RBP3: variants seen among roughly 807,000 people sequenced by gnomAD.
The protein encoded by RBP3 is retinol binding protein 3.
A neutral mutation model predicts 64.8 loss-of-function variants in RBP3; 50 were observed. That is an observed-to-expected ratio of 0.77 (90% CI 0.61 to 0.98). The LOEUF (loss-of-function observed/expected upper bound fraction) is 0.98, where lower values mean the gene tolerates loss of function less well. Among genes scored for constraint, RBP3 ranks in the 50% least tolerant of loss-of-function variants. RBP3 has a pLI of 0.00. For synonymous variants in RBP3, 828 were observed against 730.2 expected, an observed-to-expected ratio of 1.13 and a Z score of -2.16; for missense variants, 1,712 against 1,660.5, an observed-to-expected ratio of 1.03 and a Z score of -0.54.
Position 47,349,712 on chromosome 10 carries a change from G to A in RBP3, c.1228G>A (p.Gly410Arg), listed in dbSNP as rs1555211176. 6.2e-7 allele frequency: 1 copy of A among 1,611,986 alleles called. No homozygotes were observed. The highest frequency in any genetic ancestry group is 8.5e-7 in the Non-Finnish European group (1 of 1,180,006). Reference sequence around the variant, plus strand: ...CGACGCTGCAGCCGAAGACTCACCAGGGGTGGCCCCAGAGTTGCCTGAGGA... The same window carrying A: ...CGACGCTGCAGCCGAAGACTCACCAAGGGTGGCCCCAGAGTTGCCTGAGGA... ...APDAAAEDSP[G>R]VAPELPEDEA... is the part of the protein sequence containing the mutation. Residue 410 changes from glycine to arginine, a missense_variant, in exon 1 of 4, where the codon GGG (glycine) becomes AGG (arginine). Gly to Arg is a moderately radical substitution (Grantham distance 125). Coordinates refer to ENST00000584701, the MANE Select transcript of RBP3 (RefSeq NM_002900.3).
chr10:47,353,326 T>A lies in RBP3; in HGVS notation c.3056T>A (p.Ile1019Asn), dbSNP rs1837003161. ...DRIPGIVPMQ[I>N]PSPEVFEELI... is the part of the protein sequence containing the mutation. ...GAGTAGGACCTCCAACTCTTACAGA[T>A]CCCTTCCCCTGAAGTATTTGAAGAG... Residue 1019 changes from isoleucine to asparagine, a missense_variant and splice_region_variant, in exon 2 of 4, where the codon ATC (isoleucine) becomes AAC (asparagine). Physicochemically the swap from Ile to Asn is moderately radical, Grantham distance 149. Transcript: ENST00000584701. 1 of 1,613,946 alleles carries A rather than the reference T, an allele frequency of 6.2e-7. No individual in the cohort carries two copies. The highest frequency in any genetic ancestry group is 8.5e-7 in the Non-Finnish European group (1 of 1,179,988).
At position 47,348,827 on chromosome 10, in the gene RBP3, G is replaced by T; in HGVS notation, c.343G>T (p.Ala115Ser). 1 of 1,613,886 alleles carries T rather than the reference G, an allele frequency of 6.2e-7. No homozygotes were observed. Among genetic ancestry groups the T allele is most frequent in the Non-Finnish European group, 8.5e-7 (1 of 1,180,046 alleles). The change falls in exon 1 of 4, where the codon GCC (alanine) becomes TCC (serine). Residue 115 changes from alanine (A) to serine (S), a missense_variant. Ala to Ser is a moderately conservative substitution (Grantham distance 99, BLOSUM62 1). Coordinates refer to ENST00000584701, the MANE Select transcript of RBP3 (RefSeq NM_002900.3). ...CAGCCTCTCAGAAGAGGAACTGCTT[G>T]CCTGGCTGCAAAGGGGCCTCCGCCA... ...LTSLSEEELLAWLQRGLRHEV... is the reference protein window; with the variant it reads ...LTSLSEEELLSWLQRGLRHEV...
chr10:47,348,730 G>A lies in RBP3; in HGVS notation c.246G>A (p.Leu82=), dbSNP rs1555210884. Residue 82 remains leucine, a synonymous_variant, in exon 1 of 4, where the codon CTG becomes CTA. Coordinates refer to ENST00000584701, the MANE Select transcript of RBP3 (RefSeq NM_002900.3). ...TGACAGCCGGGGTGCAGAGCTCCCT[G>A]AACGATCCTCGCCTGGTCATCTCCT... ...SVLTAGVQSS[L]NDPRLVISYE... is the part of the protein sequence containing the mutation. 4 of 1,613,618 alleles carry A rather than the reference G, an allele frequency of 2.5e-6. No individual in the cohort carries two copies. Among genetic ancestry groups the A allele is most frequent in the East Asian group, 2.2e-5 (1 of 44,878 alleles).
intron 3 of RBP3, 79 bp from the exon 4 acceptor site, chr10:47,357,023 A>C: frequency 1.5e-6 from 2 of 1,365,234 alleles, no homozygotes; most frequent in South Asian, 1.2e-5. Context: ...CCATCACTGC[A>C]GGCCCAGGCA....
chr10:47,350,617 G>A lies in RBP3; in HGVS notation c.2133G>A (p.Glu711=). ...ACAGCCCTGGCGAGCTGGTGGTAGA[G>A]GAAGCACCCCCACCACCCCCTGCTG... is the stretch of plus-strand genomic sequence containing the variant. ...VFHSPGELVV[E]EAPPPPPAVP... Residue 711 remains glutamate (E), a synonymous_variant, in exon 1 of 4, where the codon GAG becomes GAA. Transcript: ENST00000584701. 4 of 1,612,946 alleles carry A rather than the reference G, an allele frequency of 2.5e-6. No individual in the cohort carries two copies. The highest frequency in any genetic ancestry group is 3.4e-6 in the Non-Finnish European group (4 of 1,180,030).
chr10:47,355,869 TCCCCG>T (rs1837040577), intron 3 of RBP3, among the ~76,000 whole-genome samples: 1 of 152,134 alleles, frequency 6.6e-6, no homozygotes, highest in Admixed American at 6.5e-5. Context: ...TGAAGGATTC[TCCCCG>T]CCCCTCACCA....
rs781963159 is a variant in RBP3, at chr10:47,351,023, A to T, written c.2539A>T (p.Thr847Ser). 2 of 1,610,878 alleles carry T rather than the reference A, an allele frequency of 1.2e-6. No homozygotes were observed. The highest frequency in any genetic ancestry group is 1.7e-6 in the Non-Finnish European group (2 of 1,179,856). Residue 847 changes from threonine to serine, a missense_variant, in exon 1 of 4, where the codon ACC (threonine) becomes TCC (serine). Coordinates refer to ENST00000584701, the MANE Select transcript of RBP3 (RefSeq NM_002900.3). Reference sequence around the variant, plus strand: ...GGACCTCTACATCCTGATGAGCCACACCAGTGGCTCTGCGGCCGAGGCCTT... The same window carrying T: ...GGACCTCTACATCCTGATGAGCCACTCCAGTGGCTCTGCGGCCGAGGCCTT... Reference protein sequence around the residue: ...HKDLYILMSHTSGSAAEAFAH... With the variant: ...HKDLYILMSHSSGSAAEAFAH...
Position 47,350,856 on chromosome 10 carries a change from C to T in RBP3, c.2372C>T (p.Thr791Met), listed in dbSNP as rs561239259. The T allele has an allele frequency of 5.5e-5, 89 of 1,612,960 alleles. 1 individual carries two copies. The South Asian group carries it at 7.0e-4, about 13-fold the overall frequency. ...DLRYNPGSYS[T>M]AIPLLCSYFF... is the part of the protein sequence containing the mutation. The stretch of plus-strand genomic sequence containing the variant: ...CGCTACAACCCTGGCAGCTACTCCA[C>T]GGCCATCCCGCTGCTCTGCTCCTAC... The change falls in exon 1 of 4, where the codon ACG becomes ATG. Residue 791 changes from threonine (T) to methionine (M), a missense_variant. Physicochemically the swap from Thr to Met is moderately conservative, Grantham distance 81 (BLOSUM62 -1). Coordinates refer to ENST00000584701, the MANE Select transcript of RBP3 (RefSeq NM_002900.3).
chr10:47,351,617 C>A, intron 1 of RBP3, 79 bp downstream of exon 1: 3 of 1,529,738 alleles, frequency 2.0e-6, no homozygotes, highest in Non-Finnish European at 2.7e-6. Context: ...GGGCTCTGTG[C>A]ACAGTGCGTG....
rs202017297 is a variant in RBP3 at position 47,350,291 on chromosome 10, G to A, written c.1807G>A (p.Gly603Ser). 2.9e-5 allele frequency: 46 copies of A among 1,609,186 alleles called. No individual in the cohort carries two copies. In the East Asian group the frequency reaches 5.1e-4, roughly 18 times the overall value. ...GGTCCTCACCTTCATCGACAATCAC[G>A]GCGAGGCCTGGCTGGGTGGTGGAGT... ...VPVLTFIDNH[G>S]EAWLGGGVVP... is the part of the protein sequence containing the mutation. Residue 603 changes from glycine to serine, a missense_variant, in exon 1 of 4, where the codon GGC (glycine) becomes AGC (serine). By Grantham distance (56) the Gly-to-Ser change is moderately conservative (BLOSUM62 0). Transcript: ENST00000584701.
In RBP3 at chr10:47,349,636, G is replaced by C. The variant is rs782018053; in HGVS notation, c.1152G>C (p.Arg384Ser). ...AGLQAASEDP[R>S]LLVRAIGPTE... ...TGCAGGCTGCGTCTGAGGATCCCAG[G>C]CTCCTGGTGCGAGCCATCGGGCCCA... Residue 384 changes from arginine to serine, a missense_variant, in exon 1 of 4, where the codon AGG (arginine) becomes AGC (serine). Coordinates refer to ENST00000584701, the MANE Select transcript of RBP3 (RefSeq NM_002900.3). 1.2e-6 allele frequency: 2 copies of C among 1,612,382 alleles called. No homozygotes were observed. Among genetic ancestry groups the C allele is most frequent in the African/African-American group, 1.3e-5 (1 of 74,922 alleles).
Position 47,351,018 on chromosome 10 carries a change from G to A in RBP3, c.2534G>A (p.Ser845Asn), listed in dbSNP as rs1475109267. 6.2e-7 allele frequency: 1 copy of A among 1,610,818 alleles called. No individual in the cohort carries two copies. Among genetic ancestry groups the A allele is most frequent in the Non-Finnish European group, 8.5e-7 (1 of 1,179,894 alleles). ...GSHKDLYILM[S>N]HTSGSAAEAF... ...CACAAGGACCTCTACATCCTGATGA[G>A]CCACACCAGTGGCTCTGCGGCCGAG... The change falls in exon 1 of 4, where the codon AGC becomes AAC. Residue 845 changes from serine (S) to asparagine (N), a missense_variant. Transcript: ENST00000584701.
rs782359971 is a variant in RBP3 at position 47,348,520 on chromosome 10, G to A, written c.36G>A (p.Leu12=). Residue 12 remains leucine, a synonymous_variant, in exon 1 of 4, where the codon CTG becomes CTA. Transcript: ENST00000584701. ...MREWVLLMSV[L]LCGLAGPTHL... is the part of the protein sequence containing the mutation. ...AATGGGTTCTGCTCATGTCCGTGCT[G>A]CTCTGTGGCCTGGCTGGCCCCACAC... 2 of 1,609,238 alleles carry A rather than the reference G, an allele frequency of 1.2e-6. No homozygotes were observed. Among genetic ancestry groups the A allele is most frequent in the Admixed American group, 1.7e-5 (1 of 60,022 alleles).
At position 47,349,521 on chromosome 10, in the gene RBP3, G is replaced by A. The variant is rs111245635; in HGVS notation, c.1037G>A (p.Arg346His). Residue 346 changes from arginine (R) to histidine (H), a missense_variant, in exon 1 of 4, where the codon CGT becomes CAT. Arg to His is a conservative substitution (Grantham distance 29). Transcript: ENST00000584701. ...AAGGACTACTACACGCTGGTGGACC[G>A]TGTGCCCACCCTGCTGCAGCACTTG... Reference protein sequence around the residue: ...VLKDYYTLVDRVPTLLQHLAS... With the variant: ...VLKDYYTLVDHVPTLLQHLAS... 19,738 of 1,612,944 alleles carry A rather than the reference G, an allele frequency of 0.012. 147 individuals carry two copies. The highest frequency in any genetic ancestry group is 0.015 in the Non-Finnish European group (18,015 of 1,180,004).
Position 47,351,075 on chromosome 10 carries a change from G to A in RBP3, c.2591G>A (p.Arg864Gln), listed in dbSNP as rs371184896. Residue 864 changes from arginine to glutamine, a missense_variant, in exon 1 of 4, where the codon CGG becomes CAG. Transcript: ENST00000584701. ...GCACACACCATGCAGGACCTGCAGC[G>A]GGCCACGGTCATTGGGGAGCCCACG... ...AFAHTMQDLQ[R>Q]ATVIGEPTAG... 5.8e-5 allele frequency: 94 copies of A among 1,611,986 alleles called. No homozygotes were observed. Among genetic ancestry groups the A allele is most frequent in the Admixed American group, 2.5e-4 (15 of 59,994 alleles).
chr10:47,354,306 A>G (rs2132257623), intron 2 of RBP3, among the ~76,000 whole-genome samples: 1 of 152,220 alleles, frequency 6.6e-6, no homozygotes, highest in Admixed American at 6.5e-5. Context: ...TGCCTTCCTC[A>G]GACGGGACCC....
In RBP3 at chr10:47,349,868, C is replaced by G; in HGVS notation, c.1384C>G (p.Arg462Gly). The G allele has an allele frequency of 6.2e-7, 1 of 1,613,180 alleles. No individual in the cohort carries two copies. The highest frequency in any genetic ancestry group is 8.5e-7 in the Non-Finnish European group (1 of 1,180,008). The change falls in exon 1 of 4, where the codon CGC becomes GGC. Residue 462 changes from arginine to glycine, a missense_variant. Transcript: ENST00000584701. ...GGGTGTGTTGGCCCCATATGTCCTG[C>G]GCCAGGTGTGGGAGCCGCTACAGGA... is the stretch of plus-strand genomic sequence containing the variant. ...VLGVLAPYVL[R>G]QVWEPLQDTE... is the part of the protein sequence containing the mutation.
Position 47,353,358 on chromosome 10 carries a change from A to G in RBP3, c.3088A>G (p.Lys1030Glu). ...CCCTGAAGTATTTGAAGAGCTGATC[A>G]AGTTTTCCTTCCACACTAACGTGCT... ...PSPEVFEELI[K>E]FSFHTNVLED... is the part of the protein sequence containing the mutation. Residue 1030 changes from lysine to glutamate, a missense_variant, in exon 2 of 4, where the codon AAG becomes GAG. By Grantham distance (56) the Lys-to-Glu change is moderately conservative (BLOSUM62 1). Coordinates refer to ENST00000584701, the MANE Select transcript of RBP3 (RefSeq NM_002900.3). 1 of 1,614,072 alleles carries G rather than the reference A, an allele frequency of 6.2e-7. No individual in the cohort carries two copies.
chr10:47,357,421 G>A lies in RBP3; in HGVS notation c.3708G>A (p.Arg1236=), dbSNP rs782283762. 5.0e-6 allele frequency: 8 copies of A among 1,613,706 alleles called. No individual in the cohort carries two copies. The highest frequency in any genetic ancestry group is 6.8e-6 in the Non-Finnish European group (8 of 1,179,900). ...AGATGCTCCAGCACAACCAGCTGAG[G>A]GTGAAGCGGAGCCCAGGCCTGCAGG... is the stretch of plus-strand genomic sequence containing the variant. ...AKEMLQHNQL[R]VKRSPGLQDH... The change falls in exon 4 of 4, where the codon AGG becomes AGA. Residue 1236 remains arginine (R), a synonymous_variant. Coordinates refer to ENST00000584701, the MANE Select transcript of RBP3 (RefSeq NM_002900.3).
Sources: gnomAD v4.1 joint callset for allele counts (sites outside exome capture counted in the v4.1 genomes callset) on GRCh38, gnomAD v4.1.1 for gene constraint, MANE v1.5 for transcripts, NCBI Gene and HGNC (gene_info 2026-07-23, HGNC 2026-07-21) for gene names.